The following NLGN4Y variants were observed in gnomAD, a reference collection of about 807,000 sequenced individuals.
NLGN4Y encodes the protein neuroligin 4 Y-linked, also known as neuroligin-4, Y-linked.
Under a neutral mutation model 8.4 loss-of-function variants are expected in NLGN4Y, and 4 were observed. The ratio of observed to expected loss-of-function variants is 0.48; its 90% CI spans 0.23 to 1.09. The LOEUF (loss-of-function observed/expected upper bound fraction) is 1.09, where lower values mean the gene tolerates loss of function less well. NLGN4Y is among the 50% of genes least tolerant of loss of function. The pLI, the probability that NLGN4Y is intolerant of heterozygous loss-of-function variation, is 0.19. For synonymous variants in NLGN4Y, 35 were observed against 75.6 expected (o/e 0.46, Z 2.78); for missense variants, 90 against 192.3 (o/e 0.47, Z 3.15).
At chrY:14,830,592 T>C in intron 6 of NLGN4Y, 73 bp downstream of exon 6, 2 of 309,825 alleles carry the variant, frequency 6.5e-6, no homozygotes, top group Non-Finnish European at 9.9e-6. Flanking sequence ...GTGTTGCTTC[T>C]ACCGGCATGT....
rs1270802313 is a variant in NLGN4Y, at chrY:14,524,629, C to T, written c.-191C>T. 1.6e-5 allele frequency: 2 copies of T among 122,068 alleles called. No individual in the cohort carries two copies. Among genetic ancestry groups the T allele is most frequent in the Non-Finnish European group, 3.6e-5 (2 of 56,186 alleles). 30.4% of individuals were successfully genotyped at this position (122,068 alleles called of 400,897 possible). On this transcript the variant is annotated 5_prime_UTR_variant, in exon 1 of 7. Transcript: ENST00000684976. ...CCCCGTCCCCTCCCCACTGCCACGG[C>T]TGGGGCAACCCAACCCGCGCCTGAA...
chrY:14,547,154 T>G, intron 1 of NLGN4Y, among the ~76,000 whole-genome samples: 2 of 33,884 alleles, frequency 5.9e-5, no homozygotes, highest in Admixed American at 2.7e-4. Flanking sequence ...TCTCATCATT[T>G]TGTAATGAAA....
At chrY:14,597,152 G>T in intron 1 of NLGN4Y, among the ~76,000 whole-genome samples, 3 of 31,111 alleles carry the variant, frequency 9.6e-5, no homozygotes, top group Admixed American at 8.9e-4. Context: ...AGCTCTTAAG[G>T]TAGCGCGTCT....
intron 1 of NLGN4Y, among the ~76,000 whole-genome samples, chrY:14,535,264 C>T (rs1569354713): frequency 1.2e-4 from 4 of 33,541 alleles, no homozygotes; most frequent in Admixed American, 1.1e-3. Context: ...AACAGATAGA[C>T]TTAATGCATC....
intron 1 of NLGN4Y, among the ~76,000 whole-genome samples, chrY:14,596,097 A>G: frequency 3.9e-4 from 13 of 33,271 alleles, no homozygotes; most frequent in Non-Finnish European, 9.6e-4. Flanking sequence ...AGGGATCTTC[A>G]TGGTTGGAAG....
chrY:14,686,319 G>A, intron 2 of NLGN4Y, among the ~76,000 whole-genome samples: 1 of 32,877 alleles, frequency 3.0e-5, no homozygotes, highest in Non-Finnish European at 7.5e-5. Context: ...TATTCTCTCT[G>A]ATGCTTCTTA....
intron 2 of NLGN4Y, among the ~76,000 whole-genome samples, chrY:14,713,860 TA>T (rs2080906940): frequency 2.9e-5 from 1 of 34,263 alleles, no homozygotes; most frequent in African/African-American, 1.1e-4. Context: ...AAGAACAGGT[TA>T]AAAAATGCTG....
intron 1 of NLGN4Y, among the ~76,000 whole-genome samples, chrY:14,549,395 T>C (rs915406217): frequency 3.0e-5 from 1 of 33,055 alleles, no homozygotes; most frequent in Non-Finnish European, 7.4e-5. Flanking sequence ...ACTATCTCAT[T>C]CAAAATTCAT....
chrY:14,820,205 C>G, intron 4 of NLGN4Y, among the ~76,000 whole-genome samples: 1 of 32,875 alleles, frequency 3.0e-5, no homozygotes. Context: ...ACACCCTTGC[C>G]TTTCCTCTTA....
chrY:14,706,284 T>C (rs2080877395), intron 2 of NLGN4Y, among the ~76,000 whole-genome samples: 1 of 33,435 alleles, frequency 3.0e-5, no homozygotes, highest in African/African-American at 1.2e-4. Flanking sequence ...AAAATACCAC[T>C]GCCAGCTATG....
At chrY:14,712,653 G>A in intron 2 of NLGN4Y, among the ~76,000 whole-genome samples, 2 of 33,226 alleles carry the variant, frequency 6.0e-5, no homozygotes, top group African/African-American at 1.2e-4. Flanking sequence ...TCCTCAATTC[G>A]TGCATGCATT....
intron 1 of NLGN4Y, among the ~76,000 whole-genome samples, chrY:14,578,237 CCATCATCATCAT>C (rs1445589457): frequency 3.2e-5 from 1 of 31,042 alleles, no homozygotes; most frequent in Non-Finnish European, 7.7e-5. Context: ...ATAATAATTG[CCATCATCATCAT>C]CATCATCATC....
intron 2 of NLGN4Y, among the ~76,000 whole-genome samples, chrY:14,707,241 A>C (rs2080884946): frequency 3.9e-5 from 1 of 25,375 alleles, no homozygotes; most frequent in Non-Finnish European, 9.0e-5. Flanking sequence ...TCCAGGCTAT[A>C]GTATAGTGTC....
chrY:14,786,556 C>T (rs905110521), intron 4 of NLGN4Y, among the ~76,000 whole-genome samples: 4 of 32,717 alleles, frequency 1.2e-4, no homozygotes, highest in Non-Finnish European at 2.2e-4. Flanking sequence ...CTCTATGTGT[C>T]GTTGTGTTCT....
chrY:14,746,832 G>T (rs2081025721), intron 4 of NLGN4Y, among the ~76,000 whole-genome samples: 1 of 31,943 alleles, frequency 3.1e-5, no homozygotes, highest in East Asian at 8.4e-4. Context: ...TTTTAATGGG[G>T]TATACATTTT....
chrY:14,834,759 G>A (rs2043191716), intron 6 of NLGN4Y, among the ~76,000 whole-genome samples: 1 of 34,103 alleles, frequency 2.9e-5, no homozygotes, highest in Non-Finnish European at 7.3e-5. Context: ...GTCGTCAGGT[G>A]CAGAGAACAA....
intron 1 of NLGN4Y, among the ~76,000 whole-genome samples, chrY:14,579,791 T>A (rs2080309947): frequency 3.1e-5 from 1 of 32,025 alleles, no homozygotes. Context: ...AGGTAATATC[T>A]AAAAACAATA....
chrY:14,656,623 A>AC (rs2080653170), intron 2 of NLGN4Y, among the ~76,000 whole-genome samples: 3 of 28,462 alleles, frequency 1.1e-4, no homozygotes, highest in East Asian at 9.0e-4. Flanking sequence ...AACAACAACA[A>AC]AAAAAAAAAA....
chrY:14,647,081 T>C, intron 2 of NLGN4Y, among the ~76,000 whole-genome samples: 1 of 34,259 alleles, frequency 2.9e-5, no homozygotes, highest in Non-Finnish European at 7.3e-5. Flanking sequence ...TGATTTATTT[T>C]GCAGAGGGAT....
Sources: gnomAD v4.1 joint callset for allele counts (sites outside exome capture counted in the v4.1 genomes callset) on GRCh38, gnomAD v4.1.1 for gene constraint, MANE v1.5 for transcripts, NCBI Gene and HGNC (gene_info 2026-07-23, HGNC 2026-07-21) for gene names.